ARHGAP24: variants seen among roughly 807,000 people sequenced by gnomAD.
ARHGAP24 encodes rho GTPase-activating protein 24.
Under a neutral mutation model 76.4 loss-of-function variants are expected in ARHGAP24, and 50 were observed. That is an observed-to-expected ratio of 0.65 (90% CI 0.52 to 0.83). The LOEUF (loss-of-function observed/expected upper bound fraction) is 0.83, where lower values mean the gene tolerates loss of function less well. Ranked by LOEUF, ARHGAP24 falls within the 40% of genes least tolerant of loss-of-function variation. The pLI, the probability that ARHGAP24 is intolerant of heterozygous loss-of-function variation, is 0.00. For synonymous variants in ARHGAP24, 345 were observed against 323.3 expected, an observed-to-expected ratio of 1.07 and a Z score of -0.72; for missense variants, 930 against 914.2, an observed-to-expected ratio of 1.02 and a Z score of -0.22.
At chr4:85,928,707 C>G (rs1736157106) in intron 4 of ARHGAP24, among the ~76,000 whole-genome samples, 1 of 152,112 alleles carries the variant, frequency 6.6e-6, no homozygotes. Context: ...GGTGATCCAC[C>G]CGCCTCAGCC....
chr4:85,940,661 A>G (rs1736905830), intron 4 of ARHGAP24, among the ~76,000 whole-genome samples: 1 of 152,198 alleles, frequency 6.6e-6, no homozygotes, highest in South Asian at 2.1e-4. Flanking sequence ...TCTACAAACC[A>G]AGCTAACTAG....
intron 3 of ARHGAP24, among the ~76,000 whole-genome samples, chr4:85,742,644 C>G (rs372576123): frequency 2.0e-5 from 3 of 152,276 alleles, no homozygotes; most frequent in East Asian, 3.9e-4. Context: ...ATCCAATTAA[C>G]AGATGTGGAA....
chr4:85,665,568 T>C (rs1722580440), intron 2 of ARHGAP24, among the ~76,000 whole-genome samples: 2 of 152,322 alleles, frequency 1.3e-5, no homozygotes, highest in South Asian at 4.1e-4. Context: ...TGATGTTAGC[T>C]GGTTATTTTG....
At chr4:85,907,331 T>TA (rs1333573439) in intron 3 of ARHGAP24, among the ~76,000 whole-genome samples, 1 of 152,250 alleles carries the variant, frequency 6.6e-6, no homozygotes, top group Non-Finnish European at 1.5e-5. Context: ...TTATATTTAT[T>TA]AAAATGTTCA....
intron 3 of ARHGAP24, among the ~76,000 whole-genome samples, chr4:85,822,485 A>C (rs1240236213): frequency 6.6e-6 from 1 of 152,212 alleles, no homozygotes; most frequent in Non-Finnish European, 1.5e-5. Flanking sequence ...AGATGTAAAG[A>C]ATGCAAACAA....
chr4:85,625,173 G>A (rs1350909078), intron 2 of ARHGAP24, among the ~76,000 whole-genome samples: 28 of 151,926 alleles, frequency 1.8e-4, no homozygotes, highest in African/African-American at 6.8e-4. Context: ...TAGGGTGTCA[G>A]TTTTAGATCT....
At chr4:85,778,604 ATTTTG>A (rs1578217749) in intron 3 of ARHGAP24, 1 of 891,390 alleles carries the variant, frequency 1.1e-6, no homozygotes, top group Non-Finnish European at 1.3e-6. Context: ...CCTATTTCTT[ATTTTG>A]TTTTGTTTTG....
intron 3 of ARHGAP24, among the ~76,000 whole-genome samples, chr4:85,793,130 A>C (rs534607251): frequency 3.8e-4 from 58 of 152,262 alleles, no homozygotes; most frequent in Middle Eastern, 3.4e-3. Flanking sequence ...AGCACACACC[A>C]TTCACTACCC....
intron 8 of ARHGAP24, among the ~76,000 whole-genome samples, chr4:85,988,288 A>AT (rs1299999581): frequency 6.6e-6 from 1 of 151,720 alleles, no homozygotes; most frequent in Non-Finnish European, 1.5e-5. Flanking sequence ...ATAAAATAAT[A>AT]TTTTTTCTTA....
At position 85,570,364 on chromosome 4, in the gene ARHGAP24, CTCTTTCTTTCTTTCTTTCTTTCTT is replaced by C. The variant is rs56272553; in HGVS notation, c.-20-127_-20-104del. Among the ~76,000 whole-genome samples, 451 of 140,058 alleles carry C rather than the reference CTCTTTCTTTCTTTCTTTCTTTCTT, an allele frequency of 3.2e-3. 7 individuals are homozygous for C. In the East Asian group the frequency reaches 0.035, roughly 11 times the overall value. 91.9% of individuals were successfully genotyped at this position (140,058 alleles called of 152,430 possible). A position where few individuals can be genotyped will look rare whatever the true frequency, so the allele number is the denominator to read the frequency against. ...TTTTTTCTTTCTTCTTTCTTTCTTT[CTCTTTCTTTCTTTCTTTCTTTCTT>C]TCTTTCTTTCTTTCTTTCTTTCTTT... On this transcript the variant is annotated intron_variant, in intron 1 of 9. Transcript: ENST00000395184.
At chr4:85,794,193 A>G (rs778981412) in intron 3 of ARHGAP24, among the ~76,000 whole-genome samples, 1 of 152,182 alleles carries the variant, frequency 6.6e-6, no homozygotes, top group African/African-American at 2.4e-5. Context: ...GCTATTTGTA[A>G]GAGTAGTTTC....
intron 1 of ARHGAP24, among the ~76,000 whole-genome samples, chr4:85,504,653 T>C (rs1258867212): frequency 2.6e-5 from 4 of 152,220 alleles, no homozygotes; most frequent in East Asian, 1.9e-4. Flanking sequence ...AGCACACTGA[T>C]GGGTCTTGAC....
At chr4:85,856,706 G>A (rs1438107488) in intron 3 of ARHGAP24, among the ~76,000 whole-genome samples, 2 of 151,946 alleles carry the variant, frequency 1.3e-5, no homozygotes, top group African/African-American at 4.8e-5. Context: ...CTGACCTCAC[G>A]TGATCCACTC....
At chr4:85,854,537 A>G (rs1020159037) in intron 3 of ARHGAP24, among the ~76,000 whole-genome samples, 5 of 152,196 alleles carry the variant, frequency 3.3e-5, no homozygotes, top group Non-Finnish European at 7.3e-5. Flanking sequence ...ATTAAACATT[A>G]TCTCCAAATC....
At chr4:85,630,801 T>C (rs1226789651) in intron 2 of ARHGAP24, among the ~76,000 whole-genome samples, 1 of 152,096 alleles carries the variant, frequency 6.6e-6, no homozygotes, top group Non-Finnish European at 1.5e-5. Flanking sequence ...TAAATAGAAT[T>C]AAGCATCTTT....
chr4:85,708,281 T>G (rs371505628), intron 2 of ARHGAP24, among the ~76,000 whole-genome samples: 3 of 152,310 alleles, frequency 2.0e-5, no homozygotes, highest in East Asian at 1.9e-4. Context: ...ATTACCAAAT[T>G]AGTTACCAAA....
chr4:85,533,371 G>T (rs958953859), intron 1 of ARHGAP24, among the ~76,000 whole-genome samples: 3 of 152,006 alleles, frequency 2.0e-5, no homozygotes, highest in African/African-American at 7.2e-5. Flanking sequence ...TTAGACATTT[G>T]CCTTTTTATT....
chr4:85,788,534 AT>A (rs1727963114), intron 3 of ARHGAP24, among the ~76,000 whole-genome samples: 1 of 152,200 alleles, frequency 6.6e-6, no homozygotes, highest in Admixed American at 6.5e-5. Flanking sequence ...GGTCTTGACC[AT>A]AGAGGTGAGA....
intron 5 of ARHGAP24, among the ~76,000 whole-genome samples, chr4:85,954,151 T>A (rs1482265700): frequency 6.6e-6 from 1 of 152,166 alleles, no homozygotes; most frequent in Admixed American, 6.5e-5. Flanking sequence ...AGATGTTTTG[T>A]TTAGGGCAGA....
Sources: gnomAD v4.1 joint callset for allele counts (sites outside exome capture counted in the v4.1 genomes callset) on GRCh38, gnomAD v4.1.1 for gene constraint, MANE v1.5 for transcripts, NCBI Gene and HGNC (gene_info 2026-07-23, HGNC 2026-07-21) for gene names.